UNC80: variants seen among roughly 807,000 people sequenced by gnomAD.
UNC80 encodes protein unc-80 homolog.
Under a neutral mutation model 384.6 loss-of-function variants are expected in UNC80, and 164 were observed. The ratio of observed to expected loss-of-function variants is 0.43; its 90% CI spans 0.38 to 0.49. The LOEUF (loss-of-function observed/expected upper bound fraction) is 0.49. Ranked by LOEUF, UNC80 falls within the 20% of genes least tolerant of loss-of-function variation. The pLI is 0.00. For synonymous variants in UNC80, 1,486 were observed against 1,527.8 expected, an observed-to-expected ratio of 0.97 and a Z score of 0.64; for missense variants, 3,330 against 4,143.0, an observed-to-expected ratio of 0.80 and a Z score of 5.39.
chr2:209,825,832 C>A, intron 13 of UNC80, 75 bp from the exon 14 acceptor site: 1 of 1,314,818 alleles, frequency 7.6e-7, no homozygotes, highest in Non-Finnish European at 9.9e-7. Context: ...TTTAATCATA[C>A]AATAGAATCT....
At chr2:209,930,646 G>A (rs1432372228) in intron 37 of UNC80, among the ~76,000 whole-genome samples, 1 of 152,062 alleles carries the variant, frequency 6.6e-6, no homozygotes, top group Non-Finnish European at 1.5e-5. Flanking sequence ...GGCTACCATG[G>A]CCAATAGAGT....
chr2:209,900,511 T>C (rs2087277733), intron 28 of UNC80, among the ~76,000 whole-genome samples: 2 of 152,220 alleles, frequency 1.3e-5, no homozygotes, highest in South Asian at 4.1e-4. Context: ...CAGCTGCTTC[T>C]TGTGTCTCTC....
intron 22 of UNC80, among the ~76,000 whole-genome samples, chr2:209,871,421 A>G (rs937068896): frequency 1.3e-5 from 2 of 152,182 alleles, no homozygotes; most frequent in Non-Finnish European, 2.9e-5. Flanking sequence ...GGGATGTTAT[A>G]TATTATAATT....
intron 22 of UNC80, among the ~76,000 whole-genome samples, chr2:209,870,274 G>C (rs2084182432): frequency 6.6e-6 from 1 of 152,132 alleles, no homozygotes. Context: ...GAATAAATTT[G>C]CATCACTTGC....
At chr2:209,815,672 A>G (rs1010585685) in intron 9 of UNC80, among the ~76,000 whole-genome samples, 3 of 152,226 alleles carry the variant, frequency 2.0e-5, no homozygotes, top group Admixed American at 6.5e-5. Flanking sequence ...TGGTGGAAGT[A>G]GTTGTGGTAA....
At position 209,834,926 on chromosome 2, in the gene UNC80, G is replaced by A; in HGVS notation, c.2957G>A (p.Ser986Asn). The A allele has an allele frequency of 1.9e-6, 3 of 1,550,330 alleles. No homozygotes were observed. The highest frequency in any genetic ancestry group is 2.6e-6 in the Non-Finnish European group (3 of 1,146,014). Reference sequence around the variant, plus strand: ...CATTTGCATAGGTCAGAGGCGGGAAGCATTGTGGATAAAGGCCAGGTATCC... The same window carrying A: ...CATTTGCATAGGTCAGAGGCGGGAAACATTGTGGATAAAGGCCAGGTATCC... ...PAGSKRSEAG[S>N]IVDKGQVSSA... is the part of the protein sequence containing the mutation. Residue 986 changes from serine to asparagine, a missense_variant, in exon 18 of 65, where the codon AGC (serine) becomes AAC (asparagine). By Grantham distance (46) the Ser-to-Asn change is conservative. Around this residue, in one of 8 missense-constraint regions of UNC80, gnomAD observed 801 missense variants for 950.8 expected, o/e 0.84. Coordinates refer to ENST00000673920, the MANE Select transcript of UNC80 (RefSeq NM_001371986.1).
intron 7 of UNC80, among the ~76,000 whole-genome samples, chr2:209,810,011 AC>A (rs1356793429): frequency 2.0e-5 from 3 of 151,940 alleles, no homozygotes; most frequent in Non-Finnish European, 4.4e-5. Flanking sequence ...CCCTCAGGCC[AC>A]CCTCCGCGAG....
rs1195294203 is a variant in UNC80 at position 209,959,107 on chromosome 2, T to C, written c.7551-12T>C. On this transcript the variant is annotated splice_polypyrimidine_tract_variant and intron_variant, in intron 49 of 64. Transcript: ENST00000673920. ...CTCTAATAGTTATGTAGACTGTTTT[T>C]CTGACTCCCAGGTACCAGGAACAAG... is the stretch of plus-strand genomic sequence containing the variant. The C allele has an allele frequency of 6.4e-7, 1 of 1,551,990 alleles. No individual in the cohort carries two copies. The highest frequency in any genetic ancestry group is 8.7e-7 in the Non-Finnish European group (1 of 1,146,896).
At chr2:209,884,015 C>T (rs968909432) in intron 25 of UNC80, among the ~76,000 whole-genome samples, 43 of 152,026 alleles carry the variant, frequency 2.8e-4, no homozygotes, top group African/African-American at 8.5e-4. Flanking sequence ...GTGTGCTTCC[C>T]CCCCTCCCCC....
At chr2:209,842,538 T>C in intron 21 of UNC80, 92 bp downstream of exon 21, 1 of 918,052 alleles carries the variant, frequency 1.1e-6, no homozygotes, top group East Asian at 2.6e-5. Context: ...CTATTTTCAT[T>C]GGTTTTTCAT....
chr2:209,939,670 A>G lies in UNC80; in HGVS notation c.6646+18A>G, dbSNP rs762814250. ...TCCTCAAGGTATCAAACAAAGAAAC[A>G]TTGCCTCTCTGGGGCTTTTTCTAAC... is the stretch of plus-strand genomic sequence containing the variant. On this transcript the variant is annotated intron_variant, in intron 43 of 64. Coordinates refer to ENST00000673920, the MANE Select transcript of UNC80 (RefSeq NM_001371986.1). The G allele has an allele frequency of 6.6e-7, 1 of 1,521,092 alleles. No individual in the cohort carries two copies. Among genetic ancestry groups the G allele is most frequent in the South Asian group, 1.3e-5 (1 of 78,032 alleles). 94.2% of individuals were successfully genotyped at this position (1,521,092 alleles called of 1,614,324 possible).
intron 21 of UNC80, among the ~76,000 whole-genome samples, chr2:209,844,791 G>A (rs2082060892): frequency 6.6e-6 from 1 of 151,288 alleles, no homozygotes; most frequent in Admixed American, 6.6e-5. Flanking sequence ...ATGGGGGTGG[G>A]GGGATCTTGC....
intron 7 of UNC80, among the ~76,000 whole-genome samples, chr2:209,802,047 G>A (rs2078595799): frequency 6.6e-6 from 1 of 152,024 alleles, no homozygotes; most frequent in African/African-American, 2.4e-5. Context: ...ACTGTCCCAG[G>A]TCAATGGCGA....
At chr2:209,927,598 G>T (rs923074897) in intron 36 of UNC80, among the ~76,000 whole-genome samples, 3 of 152,176 alleles carry the variant, frequency 2.0e-5, no homozygotes, top group African/African-American at 7.2e-5. Context: ...TTACATTTCA[G>T]CCAGAAAGTC....
chr2:209,978,084 A>G (rs1220134859), intron 58 of UNC80, among the ~76,000 whole-genome samples: 1 of 152,240 alleles, frequency 6.6e-6, no homozygotes, highest in Non-Finnish European at 1.5e-5. Flanking sequence ...GAAAATGAGA[A>G]TAAGAACAGT....
At chr2:209,833,889 G>T (rs2081169574) in intron 16 of UNC80, 113 bp from the exon 17 acceptor site, 1 of 1,023,742 alleles carries the variant, frequency 9.8e-7, no homozygotes, top group Non-Finnish European at 1.4e-6. Context: ...CTGTCTTAAT[G>T]ATTCCAATGC....
rs113549979 is a variant in UNC80 at position 209,928,880 on chromosome 2, C to T, written c.5807-991C>T. ...TTAGCACTATTCTACTGTCCACTTC[C>T]GAGAGATCAACTTATTTAGCTTCTA... On this transcript the variant is annotated intron_variant, in intron 36 of 64. Transcript: ENST00000673920. 2.9e-3 allele frequency among the ~76,000 whole-genome samples: 441 copies of T among 152,214 alleles called. 1 individual carries two copies. Among genetic ancestry groups the T allele is most frequent in the African/African-American group, 0.01 (419 of 41,534 alleles).
At chr2:209,884,248 T>C (rs759197772) in intron 25 of UNC80, among the ~76,000 whole-genome samples, 1 of 152,234 alleles carries the variant, frequency 6.6e-6, no homozygotes, top group Non-Finnish European at 1.5e-5. Flanking sequence ...GTTGAATTAG[T>C]GAGACCAATC....
intron 3 of UNC80, among the ~76,000 whole-genome samples, chr2:209,776,878 T>A (rs781197388): frequency 6.6e-6 from 1 of 152,228 alleles, no homozygotes; most frequent in Non-Finnish European, 1.5e-5. Context: ...CATACTCTTC[T>A]CCATCCCATT....
Sources: allele counts gnomAD v4.1 joint callset (sites outside exome capture counted in the v4.1 genomes callset), GRCh38; gene constraint gnomAD v4.1.1; regional missense constraint gnomAD v4.1.1; transcripts MANE v1.5; gene names NCBI Gene and HGNC (gene_info 2026-07-23, HGNC 2026-07-21).